The following PLXDC2 variants were observed in gnomAD, a reference collection of about 807,000 sequenced individuals.
PLXDC2 encodes plexin domain containing 2.
Under a neutral mutation model 68.9 loss-of-function variants are expected in PLXDC2, and 40 were observed. The observed-to-expected ratio is 0.58, with a 90% CI of 0.45 to 0.76. The LOEUF is 0.76. PLXDC2 is among the 30% of genes least tolerant of loss of function. The probability of loss-of-function intolerance (pLI) is 0.00; values close to 1 mark genes in which losing one functional copy is unlikely to be tolerated. For missense variants in PLXDC2, 644 were observed against 661.9 expected, an observed-to-expected ratio of 0.97 and a Z score of 0.30; for synonymous variants, 243 against 234.2, an observed-to-expected ratio of 1.04 and a Z score of -0.34.
At chr10:19,867,849 A>T (rs1408023064) in intron 1 of PLXDC2, among the ~76,000 whole-genome samples, 1 of 152,182 alleles carries the variant, frequency 6.6e-6, no homozygotes, top group East Asian at 1.9e-4. Context: ...GTATGTATAA[A>T]TGTACCCTTG....
At chr10:19,960,746 TC>T (rs1406845083) in intron 1 of PLXDC2, among the ~76,000 whole-genome samples, 5 of 152,302 alleles carry the variant, frequency 3.3e-5, no homozygotes, top group South Asian at 2.1e-4. Flanking sequence ...CATATTTTTT[TC>T]CTTCCATATT....
intron 2 of PLXDC2, among the ~76,000 whole-genome samples, chr10:20,024,716 C>T (rs572391285): frequency 4.1e-4 from 63 of 152,146 alleles, no homozygotes; most frequent in African/African-American, 1.5e-3. Context: ...AACCCTTGAT[C>T]CCCACCTTTT....
chr10:20,086,122 T>C (rs1833190237), intron 4 of PLXDC2, among the ~76,000 whole-genome samples: 1 of 152,088 alleles, frequency 6.6e-6, no homozygotes, highest in South Asian at 2.1e-4. Flanking sequence ...CACATACTTG[T>C]TATTTTCACT....
chr10:20,114,525 A>T (rs1034113915), intron 4 of PLXDC2, among the ~76,000 whole-genome samples: 1 of 152,170 alleles, frequency 6.6e-6, no homozygotes. Context: ...GGATGTGAAA[A>T]CAAACAATTT....
At chr10:19,954,298 C>T (rs570102679) in intron 1 of PLXDC2, among the ~76,000 whole-genome samples, 1 of 152,012 alleles carries the variant, frequency 6.6e-6, no homozygotes, top group Non-Finnish European at 1.5e-5. Flanking sequence ...TTTTATTATC[C>T]TTATGGACAT....
intron 12 of PLXDC2, among the ~76,000 whole-genome samples, chr10:20,230,662 C>A (rs1331548265): frequency 2.6e-5 from 3 of 115,858 alleles, no homozygotes; most frequent in Non-Finnish European, 5.0e-5. Flanking sequence ...CATGGTCACA[C>A]CAGCCTGGGC....
chr10:20,135,351 AC>A, intron 4 of PLXDC2, among the ~76,000 whole-genome samples: 1 of 152,144 alleles, frequency 6.6e-6, no homozygotes, highest in Non-Finnish European at 1.5e-5. Context: ...TTCTGAATGA[AC>A]CCATATCTAG....
At chr10:20,230,351 A>G (rs991110013) in intron 12 of PLXDC2, among the ~76,000 whole-genome samples, 4 of 152,146 alleles carry the variant, frequency 2.6e-5, no homozygotes, top group African/African-American at 9.7e-5. Flanking sequence ...AAAGACAAGG[A>G]GAATTAACAG....
chr10:19,977,149 G>C (rs1041301346), intron 1 of PLXDC2, among the ~76,000 whole-genome samples: 1 of 152,208 alleles, frequency 6.6e-6, no homozygotes, highest in South Asian at 2.1e-4. Flanking sequence ...CTGTTTGCTC[G>C]TATTGTGAAA....
intron 1 of PLXDC2, among the ~76,000 whole-genome samples, chr10:19,907,767 G>C (rs372896935): frequency 6.6e-6 from 1 of 152,058 alleles, no homozygotes; most frequent in East Asian, 1.9e-4. Context: ...TATTTCCTCG[G>C]TTATTTTACA....
intron 1 of PLXDC2, among the ~76,000 whole-genome samples, chr10:19,939,448 A>G (rs1294831894): frequency 6.6e-6 from 1 of 152,176 alleles, no homozygotes; most frequent in Admixed American, 6.6e-5. Context: ...TTTCTCAATG[A>G]TAGTTAAATT....
At chr10:19,847,965 C>T (rs894037220) in intron 1 of PLXDC2, among the ~76,000 whole-genome samples, 24 of 152,100 alleles carry the variant, frequency 1.6e-4, no homozygotes, top group Non-Finnish European at 1.2e-4. Context: ...GATTGCTAGG[C>T]AGTTAGATGC....
chr10:19,909,939 T>C (rs1426006206), intron 1 of PLXDC2, among the ~76,000 whole-genome samples: 2 of 152,182 alleles, frequency 1.3e-5, no homozygotes, highest in Non-Finnish European at 2.9e-5. Context: ...CTGTTCATAC[T>C]TGGGACCCCA....
intron 4 of PLXDC2, among the ~76,000 whole-genome samples, chr10:20,087,145 C>G (rs544845877): frequency 6.6e-6 from 1 of 152,264 alleles, no homozygotes; most frequent in African/African-American, 2.4e-5. Context: ...AAATGCATGG[C>G]CTGTCTTTCC....
chr10:20,177,530 G>A (rs1247841366), intron 9 of PLXDC2, 121 bp downstream of exon 9: 1 of 384,878 alleles, frequency 2.6e-6, no homozygotes, highest in Non-Finnish European at 4.0e-6. Context: ...CACTTTGAGA[G>A]AAAGTAGGAG....
In PLXDC2 at chr10:20,162,909, CAAAAAAA is replaced by C. The variant is rs71390763; in HGVS notation, c.784-1544_784-1538del. On this transcript the variant is annotated intron_variant, in intron 6 of 13. Coordinates refer to ENST00000377252, the MANE Select transcript of PLXDC2 (RefSeq NM_032812.9). ...TGAAACCCCATCTCTACTAAAAATACAAAAAAAAAAAAAAAAAAAAATCCAGCTGGGT... is the reference window on the plus strand; with the variant it reads ...TGAAACCCCATCTCTACTAAAAATACAAAAAAAAAAAAAATCCAGCTGGGT... Among the ~76,000 whole-genome samples the C allele has an allele frequency of 1.7e-4, 17 of 98,038 alleles. No individual in the cohort carries two copies. The East Asian group carries it at 1.8e-3, about 10-fold the overall frequency. 64.3% of individuals were successfully genotyped at this position (98,038 alleles called of 152,430 possible). A position where few individuals can be genotyped will look rare whatever the true frequency, so the allele number is the denominator to read the frequency against.
At chr10:19,877,949 A>G (rs1837663170) in intron 1 of PLXDC2, among the ~76,000 whole-genome samples, 1 of 152,240 alleles carries the variant, frequency 6.6e-6, no homozygotes, top group South Asian at 2.1e-4. Flanking sequence ...TGAGGCTTTA[A>G]GCAGCTTCCA....
intron 1 of PLXDC2, among the ~76,000 whole-genome samples, chr10:19,967,081 G>T (rs1376464643): frequency 1.3e-5 from 2 of 152,190 alleles, no homozygotes; most frequent in African/African-American, 4.8e-5. Flanking sequence ...AGCCAACCTT[G>T]TATAAAATGT....
intron 7 of PLXDC2, among the ~76,000 whole-genome samples, chr10:20,173,671 A>T (rs899563083): frequency 1.3e-5 from 2 of 152,284 alleles, no homozygotes; most frequent in Admixed American, 1.3e-4. Context: ...GTATTGATCT[A>T]TTGGAGTTGA....
Sources: gnomAD v4.1 joint callset for allele counts (sites outside exome capture counted in the v4.1 genomes callset) on GRCh38, gnomAD v4.1.1 for gene constraint, MANE v1.5 for transcripts, NCBI Gene and HGNC (gene_info 2026-07-23, HGNC 2026-07-21) for gene names.